DST: variants seen among roughly 807,000 people sequenced by gnomAD.
DST encodes bullous pemphigoid antigen.
A neutral mutation model predicts 875.2 loss-of-function variants in DST; 253 were observed. The observed-to-expected ratio is 0.29, with a 90% confidence interval of 0.26 to 0.32. DST has a LOEUF of 0.32. Ranked by LOEUF, DST falls within the 10% of genes least tolerant of loss-of-function variation. DST has a pLI of 1.00. For missense variants in DST, 8,287 were observed against 9,111.6 expected, an observed-to-expected ratio of 0.91 and a Z score of 3.68; for synonymous variants, 3,124 against 3,197.1, an observed-to-expected ratio of 0.98 and a Z score of 0.77.
rs758549287 is a variant in DST at position 56,617,127 on chromosome 6, G to C, written c.4930-2643C>G. Reference sequence around the variant, plus strand: ...ACAGTCTTAAGACCGAGTCGCAGCTGCTCAATTGTTCTCATGTCCAGAAGC... The same window carrying C: ...ACAGTCTTAAGACCGAGTCGCAGCTCCTCAATTGTTCTCATGTCCAGAAGC... On this transcript the variant is annotated intron_variant, in intron 36 of 103. Coordinates refer to ENST00000680361, the MANE Select transcript of DST (RefSeq NM_001374736.1). The C allele has an allele frequency of 1.9e-6, 3 of 1,610,478 alleles. No homozygotes were observed. The highest frequency in any genetic ancestry group is 2.5e-6 in the Non-Finnish European group (3 of 1,177,390).
Position 56,508,641 on chromosome 6 carries a change from C to T in DST, c.19127G>A (p.Cys6376Tyr), listed in dbSNP as rs766257374. 6.2e-7 allele frequency: 1 copy of T among 1,613,824 alleles called. No individual in the cohort carries two copies. The highest frequency in any genetic ancestry group is 2.2e-5 in the East Asian group (1 of 44,876). ...DVMELAEKFW[C>Y]DHMSLIVTIK... ...GGTAACTATCAATGACATGTGATCA[C>T]ACCAGAACTTTTCTGCTAGCTCCAT... The change falls in exon 75 of 104, where the codon TGT (cysteine) becomes TAT (tyrosine). Residue 6376 changes from cysteine (C) to tyrosine (Y), a missense_variant. By Grantham distance (194) the Cys-to-Tyr change is radical. This residue lies in a region of DST where 1,292 missense variants were observed against 1,552.7 expected (regional missense o/e 0.83). Transcript: ENST00000680361.
At chr6:56,753,756 A>G (rs943711362) in intron 4 of DST, among the ~76,000 whole-genome samples, 1 of 152,224 alleles carries the variant, frequency 6.6e-6, no homozygotes, top group African/African-American at 2.4e-5. Context: ...TAAGTTAACC[A>G]AAGTTCTCTG....
intron 84 of DST, 37 bp downstream of exon 84, chr6:56,492,897 T>C: frequency 6.9e-7 from 1 of 1,440,516 alleles, no homozygotes; most frequent in Non-Finnish European, 9.2e-7. Context: ...GCCTGGTGTC[T>C]GAAAAGAGAA....
intron 10 of DST, among the ~76,000 whole-genome samples, chr6:56,666,593 C>T (rs915534851): frequency 5.3e-5 from 8 of 151,798 alleles, no homozygotes; most frequent in African/African-American, 1.9e-4. Flanking sequence ...TTGACAAAGC[C>T]AAGTAAAATC....
chr6:56,630,452 G>C lies in DST; in HGVS notation c.4143-69C>G, dbSNP rs757079254. The C allele has an allele frequency of 1.2e-5, 16 of 1,313,806 alleles. No individual in the cohort carries two copies. In the African/African-American group the frequency reaches 2.0e-4, roughly 17 times the overall value. 81.4% of individuals were successfully genotyped at this position (1,313,806 alleles called of 1,614,324 possible). A position where few individuals can be genotyped will look rare whatever the true frequency, so the allele number is the denominator to read the frequency against. ...TATTTTTGCATAATGTAGTCCTGAA[G>C]CACCATTATGACACATGACATAACA... On this transcript the variant is annotated intron_variant, in intron 30 of 103. Coordinates refer to ENST00000680361, the MANE Select transcript of DST (RefSeq NM_001374736.1).
chr6:56,630,800 T>G (rs1200144857), intron 30 of DST, among the ~76,000 whole-genome samples: 1 of 150,234 alleles, frequency 6.7e-6, no homozygotes, highest in East Asian at 1.9e-4. Flanking sequence ...TTTTTTTTTT[T>G]GAAATGGAGT....
intron 9 of DST, among the ~76,000 whole-genome samples, chr6:56,689,551 G>A (rs1347179229): frequency 6.6e-6 from 1 of 152,152 alleles, no homozygotes; most frequent in Admixed American, 6.6e-5. Flanking sequence ...CAAGCAAGGT[G>A]TTTTTCAATA....
At chr6:56,664,861 T>A (rs532550085) in intron 10 of DST, among the ~76,000 whole-genome samples, 3 of 152,174 alleles carry the variant, frequency 2.0e-5, no homozygotes, top group African/African-American at 7.2e-5. Flanking sequence ...TTGAAACTTT[T>A]CCACTGAAAA....
At position 56,560,349 on chromosome 6, in the gene DST, C is replaced by T; in HGVS notation, c.14385G>A (p.Glu4795=). 1 of 1,609,720 alleles carries T rather than the reference C, an allele frequency of 6.2e-7. No homozygotes were observed. The highest frequency in any genetic ancestry group is 8.5e-7 in the Non-Finnish European group (1 of 1,177,740). The change falls in exon 58 of 104, where the codon GAG becomes GAA. Residue 4795 remains glutamate (E), a synonymous_variant. Transcript: ENST00000680361. ...GGGCCTCAGGAGTATCTGGGTTCTC[C>T]TCCAACAGCTCTGTCAATTTGTCTT... ...ELKDKLTELL[E]ENPDTPEAPR...
chr6:56,604,037 C>T lies in DST; in HGVS notation c.10591G>A (p.Asp3531Asn), dbSNP rs1389307581. The T allele has an allele frequency of 6.3e-7, 1 of 1,590,706 alleles. No homozygotes were observed. Among genetic ancestry groups the T allele is most frequent in the African/African-American group, 1.3e-5 (1 of 74,622 alleles). Residue 3531 changes from aspartate to asparagine, a missense_variant, in exon 40 of 104, where the codon GAT (aspartate) becomes AAT (asparagine). Physicochemically the swap from Asp to Asn is conservative, Grantham distance 23. Transcript: ENST00000680361. ...MMEEKPHILG[D>N]IKSKEGNYYS... is the part of the protein sequence containing the mutation. ...TAGTTTCCTTCTTTGCTTTTAATAT[C>T]ACCAAGAATATGTGGCTTTTCTTCC...
intron 7 of DST, 72 bp downstream of exon 7, chr6:56,703,576 T>TA (rs1442126634): frequency 1.9e-6 from 1 of 529,724 alleles, no homozygotes; most frequent in African/African-American, 2.1e-5. Flanking sequence ...ACCCAGGAGT[T>TA]ACTTCTCTAT....
At chr6:56,788,431 C>A (rs1447864938) in intron 4 of DST, among the ~76,000 whole-genome samples, 3 of 152,056 alleles carry the variant, frequency 2.0e-5, no homozygotes, top group Non-Finnish European at 4.4e-5. Flanking sequence ...ATCTGCCCAC[C>A]TTGGCCTCCC....
At chr6:56,947,400 G>A (rs959439793) in intron 2 of DST, among the ~76,000 whole-genome samples, 47 of 152,038 alleles carry the variant, frequency 3.1e-4, no homozygotes, top group African/African-American at 1.0e-3. Context: ...ACAGGCGTGC[G>A]CCACCACACC....
chr6:56,935,907 G>C (rs1447399416), intron 2 of DST, among the ~76,000 whole-genome samples: 1 of 152,086 alleles, frequency 6.6e-6, no homozygotes. Flanking sequence ...CCTGGTGACA[G>C]AACGAGACTC....
At chr6:56,937,781 A>G (rs1411831635) in intron 2 of DST, among the ~76,000 whole-genome samples, 1 of 152,214 alleles carries the variant, frequency 6.6e-6, no homozygotes, top group Non-Finnish European at 1.5e-5. Context: ...TGGATAAATC[A>G]AGTATGGTAT....
At chr6:56,724,969 T>TACACACAC (rs113129301) in intron 5 of DST, among the ~76,000 whole-genome samples, 5 of 151,330 alleles carry the variant, frequency 3.3e-5, no homozygotes, top group African/African-American at 1.2e-4. Context: ...CAGGCTGTTT[T>TACACACAC]ACACACACAC....
At chr6:56,915,351 A>G (rs539251396) in intron 2 of DST, among the ~76,000 whole-genome samples, 1 of 152,348 alleles carries the variant, frequency 6.6e-6, no homozygotes, top group South Asian at 2.1e-4. Flanking sequence ...GAGAAGCCAA[A>G]TAGCACCCAA....
intron 9 of DST, among the ~76,000 whole-genome samples, chr6:56,674,972 G>C (rs1435394769): frequency 6.6e-6 from 1 of 152,118 alleles, no homozygotes; most frequent in Non-Finnish European, 1.5e-5. Flanking sequence ...TGAGCAAAAT[G>C]AACAAACCTG....
At chr6:56,637,129 A>G (rs1431595929) in intron 22 of DST, among the ~76,000 whole-genome samples, 1 of 152,048 alleles carries the variant, frequency 6.6e-6, no homozygotes, top group Non-Finnish European at 1.5e-5. Flanking sequence ...CAAGAAAATC[A>G]GGGCAGTAAA....
Sources: gnomAD v4.1 joint callset for allele counts (sites outside exome capture counted in the v4.1 genomes callset) on GRCh38, gnomAD v4.1.1 for gene constraint, gnomAD v4.1.1 regional missense constraint, MANE v1.5 for transcripts, NCBI Gene and HGNC (gene_info 2026-07-23, HGNC 2026-07-21) for gene names.